NCOA5: variants seen among roughly 807,000 people sequenced by gnomAD.
NCOA5 encodes the protein NCoA-5.
Under a neutral mutation model 59.0 loss-of-function variants are expected in NCOA5, and 12 were observed. The ratio of observed to expected loss-of-function variants is 0.20; its 90% CI spans 0.13 to 0.33. The LOEUF is 0.33. Among genes scored for constraint, NCOA5 ranks in the 10% least tolerant of loss-of-function variants. NCOA5 has a pLI of 1.00. For synonymous variants in NCOA5, 270 were observed against 275.5 expected, an observed-to-expected ratio of 0.98 and a Z score of 0.20; for missense variants, 655 against 766.6, an observed-to-expected ratio of 0.85 and a Z score of 1.72.
At chr20:46,074,864 A>C (rs2084920279) in intron 2 of NCOA5, among the ~76,000 whole-genome samples, 1 of 152,266 alleles carries the variant, frequency 6.6e-6, no homozygotes, top group African/African-American at 2.4e-5. Flanking sequence ...TTGGTTCTAC[A>C]GACGGTCAGG....
intron 2 of NCOA5, among the ~76,000 whole-genome samples, chr20:46,075,402 C>G (rs1166206751): frequency 6.6e-6 from 1 of 152,064 alleles, no homozygotes; most frequent in Admixed American, 6.5e-5. Context: ...AAGCAATAAT[C>G]AAAAGCATTA....
intron 2 of NCOA5, among the ~76,000 whole-genome samples, chr20:46,074,753 G>T (rs754584436): frequency 6.6e-6 from 1 of 152,226 alleles, no homozygotes; most frequent in East Asian, 1.9e-4. Flanking sequence ...AGCCTACAGA[G>T]TAAGAACTGA....
At chr20:46,089,001 G>A (rs1277607757) in intron 1 of NCOA5, among the ~76,000 whole-genome samples, 1 of 152,204 alleles carries the variant, frequency 6.6e-6, no homozygotes, top group Non-Finnish European at 1.5e-5. Context: ...GAGAAAAAAA[G>A]AGTCAGTTTG....
chr20:46,062,125 T>G lies in NCOA5; in HGVS notation c.*175A>C. The G allele has an allele frequency of 1.8e-6, 1 of 561,070 alleles. No homozygotes were observed. The highest frequency in any genetic ancestry group is 1.9e-5 in the African/African-American group (1 of 53,674). 34.8% of individuals were successfully genotyped at this position (561,070 alleles called of 1,614,324 possible). ...ACAGCCCCAAATGCAGTATAAACTT[T>G]GTAAGGAATAAGCAACACAGCCTTG... On this transcript the variant is annotated 3_prime_UTR_variant, in exon 8 of 8. Coordinates refer to ENST00000290231, the MANE Select transcript of NCOA5 (RefSeq NM_020967.3).
rs982524820 is a variant in NCOA5, at chr20:46,063,500, C to T, written c.1010G>A (p.Gly337Asp). 1.1e-5 allele frequency: 17 copies of T among 1,614,060 alleles called. No individual in the cohort carries two copies. The highest frequency in any genetic ancestry group is 1.7e-5 in the Admixed American group (1 of 60,006). The change falls in exon 7 of 8, where the codon GGC becomes GAC. Residue 337 changes from glycine (G) to aspartate (D), a missense_variant. Transcript: ENST00000290231. The part of the protein sequence containing the change: ...RGGPEEGVRG[G>D]HPPAIQSLIN... ...GAGGCTCTGGATGGCTGGAGGGTGG[C>T]CCCCACGCACTCCCTCCTCAGGGCC...
intron 1 of NCOA5, among the ~76,000 whole-genome samples, chr20:46,085,021 T>C (rs1318445486): frequency 6.6e-6 from 1 of 152,204 alleles, no homozygotes; most frequent in African/African-American, 2.4e-5. Context: ...GCTAAAGTCC[T>C]TGCCTTAAAG....
chr20:46,062,275 C>A lies in NCOA5; in HGVS notation c.*25G>T, dbSNP rs763880059. ...GGGAGGAGGCCAGGGGATGAGGGGACTGGGGAGAGTTGAAAGATTTAGCTT... is the reference window on the plus strand; with the variant it reads ...GGGAGGAGGCCAGGGGATGAGGGGAATGGGGAGAGTTGAAAGATTTAGCTT... On this transcript the variant is annotated 3_prime_UTR_variant, in exon 8 of 8. Coordinates refer to ENST00000290231, the MANE Select transcript of NCOA5 (RefSeq NM_020967.3). The A allele has an allele frequency of 3.2e-6, 5 of 1,581,742 alleles. No homozygotes were observed. Among genetic ancestry groups the A allele is most frequent in the Non-Finnish European group, 8.6e-7 (1 of 1,156,542 alleles).
intron 1 of NCOA5, among the ~76,000 whole-genome samples, chr20:46,086,878 T>C (rs1461149864): frequency 6.6e-6 from 1 of 152,232 alleles, no homozygotes; most frequent in African/African-American, 2.4e-5. Context: ...TCTCAGATAT[T>C]GACATTGCAC....
intron 2 of NCOA5, among the ~76,000 whole-genome samples, chr20:46,070,926 T>A (rs561720404): frequency 6.6e-6 from 1 of 152,104 alleles, no homozygotes; most frequent in East Asian, 1.9e-4. Context: ...CACAATCTTA[T>A]AAAAGTGATC....
At chr20:46,078,115 A>C (rs2084957084) in intron 2 of NCOA5, among the ~76,000 whole-genome samples, 1 of 152,204 alleles carries the variant, frequency 6.6e-6, no homozygotes, top group Admixed American at 6.5e-5. Flanking sequence ...TAGCTATGGT[A>C]TTGGATTCAA....
rs752010181 is a variant in NCOA5 at position 46,079,415 on chromosome 20, C to A, written c.10G>T (p.Ala4Ser). 1.2e-6 allele frequency: 2 copies of A among 1,613,864 alleles called. No homozygotes were observed. Among genetic ancestry groups the A allele is most frequent in the Non-Finnish European group, 1.7e-6 (2 of 1,179,916 alleles). Residue 4 changes from alanine to serine, a missense_variant, in exon 2 of 8, where the codon GCT (alanine) becomes TCT (serine). Around this residue, in one of 3 missense-constraint regions of NCOA5, gnomAD observed 250 missense variants for 260.1 expected, o/e 0.96. Coordinates refer to ENST00000290231, the MANE Select transcript of NCOA5 (RefSeq NM_020967.3). ...CGTGTGGGGCTGGGTCTTGATGGAG[C>A]CGTATTCATATTTCTTCTTTCCGCT... is the stretch of plus-strand genomic sequence containing the variant. MNT[A>S]PSRPSPTRRD... is the part of the protein sequence containing the mutation.
intron 1 of NCOA5, among the ~76,000 whole-genome samples, chr20:46,080,032 T>A (rs1306643707): frequency 1.3e-5 from 2 of 152,116 alleles, no homozygotes; most frequent in Non-Finnish European, 2.9e-5. Flanking sequence ...TTATTATTAT[T>A]TTTAATAAAC....
intron 4 of NCOA5, among the ~76,000 whole-genome samples, chr20:46,067,621 C>CT (rs35829047): frequency 6.7e-6 from 1 of 149,886 alleles, no homozygotes; most frequent in Admixed American, 6.7e-5. Flanking sequence ...TTTAAAAGTT[C>CT]TTTTTTTAAA....
intron 1 of NCOA5, among the ~76,000 whole-genome samples, chr20:46,086,782 G>C (rs1283442536): frequency 3.9e-5 from 6 of 152,230 alleles, no homozygotes; most frequent in African/African-American, 1.2e-4. Flanking sequence ...CAGCGTAGTA[G>C]AAAGAGTAGT....
intron 7 of NCOA5, 49 bp downstream of exon 7, chr20:46,063,311 A>C (rs749987667): frequency 2.5e-6 from 4 of 1,573,202 alleles, no homozygotes; most frequent in Non-Finnish European, 2.6e-6. Flanking sequence ...CCTGGGGATT[A>C]GAGAAATGCA....
At chr20:46,080,419 A>T (rs1370166781) in intron 1 of NCOA5, among the ~76,000 whole-genome samples, 1 of 152,180 alleles carries the variant, frequency 6.6e-6, no homozygotes, top group East Asian at 1.9e-4. Context: ...GCTGCAGTAG[A>T]GTTTGTTCCC....
rs762176260 is a variant in NCOA5 at position 46,065,219 on chromosome 20, A to G, written c.639T>C (p.Ala213=). ...IVVNKQTKDY[A]ESVGRKVRDL... ...CTCGCACCTTCCGCCCCACAGACTC[A>G]GCATAGTCTCTGTAAAAATAAATAA... Residue 213 remains alanine, a synonymous_variant, in exon 6 of 8, where the codon GCT becomes GCC. Transcript: ENST00000290231. 6.2e-7 allele frequency: 1 copy of G among 1,614,182 alleles called. No individual in the cohort carries two copies. Among genetic ancestry groups the G allele is most frequent in the South Asian group, 1.1e-5 (1 of 91,084 alleles).
Position 46,062,541 on chromosome 20 carries a change from C to T in NCOA5, c.1499G>A (p.Arg500Lys). ...AAGCCCTTGGGAAGGAGCCCCAGGT[C>T]TGGGGCCCATGTTCTGAGCAGATCC... ...QGGSAQNMGP[R>K]PGAPSQGLFG... is the part of the protein sequence containing the mutation. Residue 500 changes from arginine to lysine, a missense_variant, in exon 8 of 8, where the codon AGA (arginine) becomes AAA (lysine). This residue lies in a region of NCOA5 where 325 missense variants were observed against 353.2 expected (regional missense o/e 0.92). Coordinates refer to ENST00000290231, the MANE Select transcript of NCOA5 (RefSeq NM_020967.3). 1 of 1,614,180 alleles carries T rather than the reference C, an allele frequency of 6.2e-7. No homozygotes were observed. The highest frequency in any genetic ancestry group is 1.1e-5 in the South Asian group (1 of 91,088).
chr20:46,061,829 C>T lies in NCOA5; in HGVS notation c.*471G>A, dbSNP rs79600465. On this transcript the variant is annotated 3_prime_UTR_variant, in exon 8 of 8. Transcript: ENST00000290231. ...ATGATGACACTGTGCCTGCCAAGGC[C>T]AGTTTGCTTTTCTTCAACTCTAGGC... is the stretch of plus-strand genomic sequence containing the variant. The T allele has an allele frequency of 0.031, 4,819 of 155,272 alleles. 166 individuals carry two copies. Among genetic ancestry groups the T allele is most frequent in the Admixed American group, 0.11 (1,715 of 15,900 alleles). The allele number at this position is 155,272 out of a possible 1,614,324, so 9.6% of individuals were successfully genotyped here.
Sources: allele counts gnomAD v4.1 joint callset (sites outside exome capture counted in the v4.1 genomes callset), GRCh38; gene constraint gnomAD v4.1.1; regional missense constraint gnomAD v4.1.1; transcripts MANE v1.5; gene names NCBI Gene and HGNC (gene_info 2026-07-23, HGNC 2026-07-21).